NRG1: variants seen among roughly 807,000 people sequenced by gnomAD.
The protein encoded by NRG1 is pro-neuregulin-1, membrane-bound isoform.
NRG1 carries 18 observed loss-of-function variants against 63.8 expected under a neutral mutation model. The observed-to-expected ratio is 0.28, with a 90% CI of 0.19 to 0.42. The LOEUF is 0.42. Ranked by LOEUF, NRG1 falls within the 10% of genes least tolerant of loss-of-function variation. The probability of loss-of-function intolerance (pLI) is 1.00; values close to 1 mark genes in which losing one functional copy is unlikely to be tolerated. For synonymous variants in NRG1, 302 were observed against 301.3 expected, an observed-to-expected ratio of 1.00 and a Z score of -0.02; for missense variants, 762 against 814.7, an observed-to-expected ratio of 0.94 and a Z score of 0.79.
At chr8:31,747,237 A>T (rs1815972775) in intron 1 of NRG1, among the ~76,000 whole-genome samples, 1 of 151,908 alleles carries the variant, frequency 6.6e-6, no homozygotes, top group South Asian at 2.1e-4. Flanking sequence ...CCATGATGTG[A>T]TTATTTCACA....
At chr8:31,867,767 A>C (rs576174749) in intron 1 of NRG1, among the ~76,000 whole-genome samples, 2 of 152,168 alleles carry the variant, frequency 1.3e-5, no homozygotes, top group Non-Finnish European at 2.9e-5. Flanking sequence ...TGGCTTAAGA[A>C]TTGTATTTGA....
chr8:32,110,583 C>T (rs747467194), intron 1 of NRG1, among the ~76,000 whole-genome samples: 6 of 152,084 alleles, frequency 3.9e-5, no homozygotes, highest in Admixed American at 2.6e-4. Flanking sequence ...CTGAACAAGG[C>T]CGTGCTCTTC....
At chr8:32,039,717 T>G (rs1288828282) in intron 1 of NRG1, among the ~76,000 whole-genome samples, 1 of 151,958 alleles carries the variant, frequency 6.6e-6, no homozygotes, top group Non-Finnish European at 1.5e-5. Flanking sequence ...TCATCAAGGG[T>G]AGAAAGTAGA....
intron 1 of NRG1, among the ~76,000 whole-genome samples, chr8:32,174,080 A>G (rs1840401420): frequency 6.6e-6 from 1 of 152,324 alleles, no homozygotes; most frequent in South Asian, 2.1e-4. Flanking sequence ...AATTGACCAC[A>G]TAGTTGGAAG....
At chr8:32,441,273 T>C (rs1340973729) in intron 1 of NRG1, 2 of 152,180 alleles carry the variant, frequency 1.3e-5, no homozygotes, top group African/African-American at 4.8e-5. Context: ...GCATTCATCC[T>C]GCCTGCTTGC....
chr8:32,523,039 C>G (rs79712795), intron 1 of NRG1, among the ~76,000 whole-genome samples: 1 of 152,014 alleles, frequency 6.6e-6, no homozygotes, highest in South Asian at 2.1e-4. Context: ...TGTGCTAAAA[C>G]GATCCTCCAC....
intron 1 of NRG1, among the ~76,000 whole-genome samples, chr8:32,321,220 C>T (rs542552778): frequency 3.9e-5 from 6 of 152,046 alleles, no homozygotes; most frequent in Non-Finnish European, 7.4e-5. Flanking sequence ...AAAATTACCT[C>T]GTAAATCACT....
At chr8:32,052,989 A>C (rs1231907951) in intron 1 of NRG1, among the ~76,000 whole-genome samples, 1 of 152,168 alleles carries the variant, frequency 6.6e-6, no homozygotes, top group Admixed American at 6.5e-5. Context: ...CACCACACAT[A>C]CTCAGAAAAC....
intron 1 of NRG1, among the ~76,000 whole-genome samples, chr8:32,503,681 G>A (rs1325484246): frequency 6.6e-6 from 1 of 152,176 alleles, no homozygotes; most frequent in Non-Finnish European, 1.5e-5. Context: ...ATATTAAACT[G>A]GTAGTAGCGG....
At chr8:32,539,105 G>A (rs972257425) in intron 1 of NRG1, among the ~76,000 whole-genome samples, 1 of 152,186 alleles carries the variant, frequency 6.6e-6, no homozygotes, top group African/African-American at 2.4e-5. Flanking sequence ...ATAGTTCAGT[G>A]TGGCCAGGGT....
At chr8:32,558,504 A>C (rs73678406) in intron 1 of NRG1, among the ~76,000 whole-genome samples, 1 of 152,274 alleles carries the variant, frequency 6.6e-6, no homozygotes, top group African/African-American at 2.4e-5. Flanking sequence ...GTATAGGAAT[A>C]AAACTCTGTA....
At chr8:32,080,561 T>C (rs1373717923) in intron 1 of NRG1, among the ~76,000 whole-genome samples, 1 of 152,148 alleles carries the variant, frequency 6.6e-6, no homozygotes, top group African/African-American at 2.4e-5. Context: ...TAACTACTAA[T>C]CTATATAAGA....
intron 1 of NRG1, among the ~76,000 whole-genome samples, chr8:32,588,658 A>G (rs1162350476): frequency 6.6e-6 from 1 of 152,226 alleles, no homozygotes; most frequent in Non-Finnish European, 1.5e-5. Flanking sequence ...GTTGGATTAC[A>G]TAAGGAGCTG....
chr8:32,349,359 A>T (rs1156738534), intron 1 of NRG1, among the ~76,000 whole-genome samples: 1 of 152,196 alleles, frequency 6.6e-6, no homozygotes, highest in African/African-American at 2.4e-5. Flanking sequence ...AATTTTTTTA[A>T]TCCATCTTCC....
At chr8:31,860,165 GC>G (rs1212639920) in intron 1 of NRG1, among the ~76,000 whole-genome samples, 1 of 152,184 alleles carries the variant, frequency 6.6e-6, no homozygotes, top group East Asian at 1.9e-4. Context: ...CAAAGCCAAA[GC>G]CATTCCTGGG....
chr8:32,644,924 C>T (rs892750785), intron 5 of NRG1, among the ~76,000 whole-genome samples: 4 of 151,638 alleles, frequency 2.6e-5, no homozygotes, highest in African/African-American at 9.7e-5. Context: ...GGTATTTTCT[C>T]CTATCTGCCT....
At chr8:32,516,484 A>G (rs1829835533) in intron 1 of NRG1, among the ~76,000 whole-genome samples, 1 of 152,180 alleles carries the variant, frequency 6.6e-6, no homozygotes, top group Non-Finnish European at 1.5e-5. Flanking sequence ...GTAGTTTGGT[A>G]AGAACAGCAT....
At chr8:32,030,312 A>G (rs1016583283) in intron 1 of NRG1, 6 of 152,168 alleles carry the variant, frequency 3.9e-5, no homozygotes, top group African/African-American at 1.2e-4. Flanking sequence ...TATGATGACA[A>G]TTTGGGTTTG....
Position 31,640,767 on chromosome 8 carries a change from A to T in NRG1, c.37+1336A>T. 6.8e-7 allele frequency: 1 copy of T among 1,462,568 alleles called. No homozygotes were observed. Among genetic ancestry groups the T allele is most frequent in the Non-Finnish European group, 9.0e-7 (1 of 1,105,134 alleles). 90.6% of individuals were successfully genotyped at this position (1,462,568 alleles called of 1,614,324 possible). Reference sequence around the variant, plus strand: ...CCCTTGGGGGCGCGAACCCGCGGCGAGGAGGGCGCATCCCGGGCGCGCGGG... The same window carrying T: ...CCCTTGGGGGCGCGAACCCGCGGCGTGGAGGGCGCATCCCGGGCGCGCGGG... On this transcript the variant is annotated intron_variant, in intron 1 of 10. Transcript: ENST00000519301. This position sits in a 1 kb window ranked among gnomAD's most constrained non-coding sequence, Gnocchi z 6.3.
Sources: allele counts gnomAD v4.1 joint callset (sites outside exome capture counted in the v4.1 genomes callset), GRCh38; gene constraint gnomAD v4.1.1; non-coding constraint Gnocchi (gnomAD v3.1); transcripts MANE v1.5; gene names NCBI Gene and HGNC (gene_info 2026-07-23, HGNC 2026-07-21).